Variants in ARHGAP18 observed in about 807,000 individuals in gnomAD.
ARHGAP18 encodes the protein Rho GTPase activating protein 18.
ARHGAP18 carries 67 observed loss-of-function variants against 86.2 expected under a neutral mutation model. The observed-to-expected ratio is 0.78, with a 90% CI of 0.64 to 0.95. The LOEUF (loss-of-function observed/expected upper bound fraction) is 0.95. Among genes scored for constraint, ARHGAP18 ranks in the 40% least tolerant of loss-of-function variants. ARHGAP18 has a pLI of 0.00. For missense variants in ARHGAP18, 691 were observed against 780.4 expected (o/e 0.89, Z 1.37); for synonymous variants, 283 against 280.4 (o/e 1.01, Z -0.09).
intron 1 of ARHGAP18, among the ~76,000 whole-genome samples, chr6:129,649,314 G>A (rs941579104): frequency 5.3e-5 from 8 of 152,108 alleles, no homozygotes; most frequent in South Asian, 2.1e-4. Context: ...CCAGCACTTC[G>A]GGAGGCCGAG....
intron 1 of ARHGAP18, among the ~76,000 whole-genome samples, chr6:129,649,914 G>T (rs72986911): frequency 0.1 from 13,026 of 129,024 alleles, 921 homozygotes; most frequent in African/African-American, 0.2. Flanking sequence ...CTTTTTTTTT[G>T]TTTTTTTTTT....
At chr6:129,599,003 C>T (rs1562683147) in intron 12 of ARHGAP18, 1 of 362,648 alleles carries the variant, frequency 2.8e-6, no homozygotes. Context: ...CCATTAACAA[C>T]TCACATGCTG....
intron 5 of ARHGAP18, among the ~76,000 whole-genome samples, 157 bp downstream of exon 5, chr6:129,629,196 C>T (rs1395111254): frequency 6.6e-6 from 1 of 151,816 alleles, no homozygotes; most frequent in African/African-American, 2.4e-5. Context: ...TAAGCCTGGG[C>T]AACGTAGTGA....
At chr6:129,686,957 ATTTTTTTTTCT>A (rs1386806446) in intron 1 of ARHGAP18, among the ~76,000 whole-genome samples, 7 of 113,396 alleles carry the variant, frequency 6.2e-5, no homozygotes, top group African/African-American at 1.3e-4. Context: ...CACCTGGCTA[ATTTTTTTTTCT>A]TTTTTTTTTC....
intron 1 of ARHGAP18, among the ~76,000 whole-genome samples, chr6:129,702,605 G>A (rs888315434): frequency 6.6e-6 from 1 of 152,182 alleles, no homozygotes; most frequent in African/African-American, 2.4e-5. Context: ...CATGCTGTTA[G>A]TGACTCCCAC....
rs768980942 is a variant in ARHGAP18, at chr6:129,665,316, G to A, written c.114-23298C>T. Among the ~76,000 whole-genome samples, 214 of 152,248 alleles carry A rather than the reference G, an allele frequency of 1.4e-3. 2 individuals are homozygous for A. The highest frequency in any genetic ancestry group is 2.6e-3 in the Non-Finnish European group (174 of 67,998). ...TCCCAGCACTTTGGGAGCCTGAGGC[G>A]GGTAGATCGCTTTGAGCTCACAAGT... On this transcript the variant is annotated intron_variant, in intron 1 of 14. Transcript: ENST00000368149.
At chr6:129,584,375 C>A (rs139049093) in intron 12 of ARHGAP18, among the ~76,000 whole-genome samples, 65 of 152,174 alleles carry the variant, frequency 4.3e-4, no homozygotes, top group African/African-American at 1.1e-3. Context: ...ACCATTACTG[C>A]CATATTAAGT....
At chr6:129,655,188 G>A (rs1464283015) in intron 1 of ARHGAP18, among the ~76,000 whole-genome samples, 1 of 151,802 alleles carries the variant, frequency 6.6e-6, no homozygotes, top group African/African-American at 2.4e-5. Context: ...GTGTGGTGGT[G>A]CATGCCTGTA....
At chr6:129,580,864 G>T (rs1337844629) in intron 13 of ARHGAP18, among the ~76,000 whole-genome samples, 5 of 151,956 alleles carry the variant, frequency 3.3e-5, no homozygotes, top group African/African-American at 9.6e-5. Flanking sequence ...GACAGAATGA[G>T]ATCCTGTCTC....
rs775933311 is a variant in ARHGAP18 at position 129,618,804 on chromosome 6, G to C, written c.835C>G (p.Leu279Val). 2.3e-5 allele frequency: 37 copies of C among 1,613,252 alleles called. No individual in the cohort carries two copies. The highest frequency in any genetic ancestry group is 1.3e-4 in the Admixed American group (8 of 59,986). Reference sequence around the variant, plus strand: ...ACTTTCTTCATGTCCTGGGGTGCGAGGTCACCAATCCTTGTGGTACCCGTT... The same window carrying C: ...ACTTTCTTCATGTCCTGGGGTGCGACGTCACCAATCCTTGTGGTACCCGTT... ...DKTGTTRIGD[L>V]APQDMKKVCH... The change falls in exon 6 of 15, where the codon CTC becomes GTC. Residue 279 changes from leucine to valine, a missense_variant. Coordinates refer to ENST00000368149, the MANE Select transcript of ARHGAP18 (RefSeq NM_033515.3).
chr6:129,637,936 C>T (rs1316990133), intron 3 of ARHGAP18, among the ~76,000 whole-genome samples: 1 of 152,206 alleles, frequency 6.6e-6, no homozygotes, highest in East Asian at 1.9e-4. Context: ...AAAGTTCCTG[C>T]TTTGTAATTC....
intron 1 of ARHGAP18, among the ~76,000 whole-genome samples, chr6:129,669,689 G>A (rs1584104124): frequency 6.6e-6 from 1 of 151,612 alleles, no homozygotes; most frequent in African/African-American, 2.4e-5. Flanking sequence ...GGAGGCTGAG[G>A]CAGGAGAATC....
chr6:129,698,143 A>G (rs941916023), intron 1 of ARHGAP18, among the ~76,000 whole-genome samples: 1 of 152,172 alleles, frequency 6.6e-6, no homozygotes, highest in Non-Finnish European at 1.5e-5. Context: ...TTAGAACCCA[A>G]TTGAGATGCA....
chr6:129,703,236 C>G (rs1046162502), intron 1 of ARHGAP18, among the ~76,000 whole-genome samples: 8 of 152,162 alleles, frequency 5.3e-5, no homozygotes, highest in African/African-American at 1.9e-4. Flanking sequence ...GTCCAATTAT[C>G]AAAAACGAGT....
intron 1 of ARHGAP18, among the ~76,000 whole-genome samples, chr6:129,707,187 T>C (rs1045680115): frequency 5.3e-5 from 8 of 150,588 alleles, no homozygotes; most frequent in African/African-American, 1.7e-4. Flanking sequence ...GAGCCAAGAG[T>C]GCGCCATTGT....
intron 1 of ARHGAP18, among the ~76,000 whole-genome samples, chr6:129,709,281 G>C (rs1282557616): frequency 1.3e-5 from 2 of 151,202 alleles, no homozygotes; most frequent in Non-Finnish European, 2.9e-5. Context: ...TCATTAAGGA[G>C]AGAAAGAAAA....
intron 1 of ARHGAP18, 71 bp from the exon 2 acceptor site, chr6:129,642,089 G>C (rs1562707126): frequency 1.5e-6 from 2 of 1,365,546 alleles, no homozygotes; most frequent in Non-Finnish European, 2.1e-6. Flanking sequence ...AGACATCACA[G>C]CAACAAGCTG....
At chr6:129,639,378 A>G (rs1017736181) in intron 2 of ARHGAP18, among the ~76,000 whole-genome samples, 17 of 152,212 alleles carry the variant, frequency 1.1e-4, no homozygotes, top group African/African-American at 4.1e-4. Flanking sequence ...TTTATAGAGG[A>G]AAATAAAAGC....
chr6:129,676,215 A>G (rs1774228411), intron 1 of ARHGAP18, among the ~76,000 whole-genome samples: 1 of 152,144 alleles, frequency 6.6e-6, no homozygotes, highest in South Asian at 2.1e-4. Context: ...AATAGATGGG[A>G]AAGTAGTAAT....
Sources: gnomAD v4.1 joint callset for allele counts (sites outside exome capture counted in the v4.1 genomes callset) on GRCh38, gnomAD v4.1.1 for gene constraint, MANE v1.5 for transcripts, NCBI Gene and HGNC (gene_info 2026-07-23, HGNC 2026-07-21) for gene names.